PDCD2L: variants seen among roughly 807,000 people sequenced by gnomAD.
The protein encoded by PDCD2L is uS5 assembly chaperone PDCD2L.
In PDCD2L, 44 loss-of-function variants were observed where a neutral mutation model predicts 40.4. That is an observed-to-expected ratio of 1.09 (90% confidence interval 0.86 to 1.40). The LOEUF is 1.40. Among genes scored for constraint, PDCD2L ranks in the 40% most tolerant of loss-of-function variants. The pLI, the probability that PDCD2L is intolerant of heterozygous loss-of-function variation, is 0.00. For synonymous variants in PDCD2L, 194 were observed against 174.6 expected, an observed-to-expected ratio of 1.11 and a Z score of -0.88; for missense variants, 470 against 453.7, an observed-to-expected ratio of 1.04 and a Z score of -0.33.
intron 3 of PDCD2L, among the ~76,000 whole-genome samples, chr19:34,406,009 C>T (rs2145456057): frequency 6.6e-6 from 1 of 152,162 alleles, no homozygotes; most frequent in East Asian, 1.9e-4. Context: ...GGCATGATGG[C>T]CACGCAACTG....
Position 34,409,220 on chromosome 19 carries a change from T to G in PDCD2L, c.396T>G (p.Ser132Arg). ...DWCEGADDWG[S>R]DTEEGPSPQF... Reference sequence around the variant, plus strand: ...GTGAAGGTGCTGATGACTGGGGAAGTGATACTGAGGAGGGGCCTTCACCAC... The same window carrying G: ...GTGAAGGTGCTGATGACTGGGGAAGGGATACTGAGGAGGGGCCTTCACCAC... Residue 132 changes from serine (S) to arginine (R), a missense_variant, in exon 4 of 7, where the codon AGT becomes AGG. Coordinates refer to ENST00000246535, the MANE Select transcript of PDCD2L (RefSeq NM_032346.2). The G allele has an allele frequency of 6.2e-7, 1 of 1,614,162 alleles. No homozygotes were observed. Among genetic ancestry groups the G allele is most frequent in the Non-Finnish European group, 8.5e-7 (1 of 1,180,024 alleles).
intron 4 of PDCD2L, among the ~76,000 whole-genome samples, chr19:34,410,942 A>G (rs1046885637): frequency 1.3e-5 from 2 of 150,454 alleles, no homozygotes; most frequent in African/African-American, 4.9e-5. Flanking sequence ...GCGCCACCAC[A>G]CCCAGCTAAT....
intron 3 of PDCD2L, among the ~76,000 whole-genome samples, chr19:34,407,417 G>T (rs1424293677): frequency 1.3e-5 from 2 of 152,188 alleles, no homozygotes; most frequent in Admixed American, 6.5e-5. Context: ...GGGATTACAG[G>T]CGTGAGCCAC....
intron 3 of PDCD2L, among the ~76,000 whole-genome samples, chr19:34,406,595 G>A (rs891071423): frequency 4.0e-5 from 6 of 151,788 alleles, no homozygotes; most frequent in African/African-American, 9.7e-5. Context: ...GTTTCACCAT[G>A]TTAGCCAGGA....
At chr19:34,419,435 A>C (rs1259694156) in intron 5 of PDCD2L, among the ~76,000 whole-genome samples, 1 of 151,824 alleles carries the variant, frequency 6.6e-6, no homozygotes, top group Non-Finnish European at 1.5e-5. Flanking sequence ...GATTACAGGC[A>C]TGAGCCACCG....
chr19:34,408,507 C>T (rs1248853173), intron 3 of PDCD2L, among the ~76,000 whole-genome samples: 4 of 152,076 alleles, frequency 2.6e-5, no homozygotes, highest in African/African-American at 7.2e-5. Flanking sequence ...TAAGCTGAGA[C>T]AGACTTAACA....
In PDCD2L at chr19:34,426,143, A is replaced by T. The variant is rs1325714157; in HGVS notation, c.*23A>T. 6.8e-7 allele frequency: 1 copy of T among 1,469,686 alleles called. No homozygotes were observed. The allele number at this position is 1,469,686 out of a possible 1,614,324, so 91.0% of individuals were successfully genotyped here. ...TAGAGCATTTCCTTTTATTAATATA[A>T]ATTAAAACAAATGTTTACATCCAAA... On this transcript the variant is annotated 3_prime_UTR_variant, in exon 7 of 7. Transcript: ENST00000246535.
intron 3 of PDCD2L, among the ~76,000 whole-genome samples, chr19:34,406,387 T>C: frequency 6.6e-6 from 1 of 151,128 alleles, no homozygotes; most frequent in East Asian, 1.9e-4. Flanking sequence ...ACAATACTCT[T>C]ATTTTTTTTT....
chr19:34,426,098 C>G lies in PDCD2L; in HGVS notation c.1055C>G (p.Pro352Arg), dbSNP rs987682151. Reference sequence around the variant, plus strand: ...GAATTTTGTATTATACAAGAAGACCCAGATGAATTATTGTTTAAGTAGAGC... The same window carrying G: ...GAATTTTGTATTATACAAGAAGACCGAGATGAATTATTGTTTAAGTAGAGC... ...MEEFCIIQED[P>R]DELLFK The change falls in exon 7 of 7, where the codon CCA becomes CGA. Residue 352 changes from proline (P) to arginine (R), a missense_variant. Pro to Arg is a moderately radical substitution (Grantham distance 103). Coordinates refer to ENST00000246535, the MANE Select transcript of PDCD2L (RefSeq NM_032346.2). 5.1e-6 allele frequency: 8 copies of G among 1,582,216 alleles called. No homozygotes were observed. The highest frequency in any genetic ancestry group is 6.9e-6 in the Non-Finnish European group (8 of 1,151,798).
chr19:34,404,775 G>A lies in PDCD2L; in HGVS notation c.235G>A (p.Ala79Thr). The change falls in exon 2 of 7, where the codon GCG becomes ACG. Residue 79 changes from alanine to threonine, a missense_variant. By Grantham distance (58) the Ala-to-Thr change is moderately conservative. Coordinates refer to ENST00000246535, the MANE Select transcript of PDCD2L (RefSeq NM_032346.2). ...SPFHRLLHVFACACPGCSTGG... is the reference protein window; with the variant it reads ...SPFHRLLHVFTCACPGCSTGG... ...GTTTCACCGTCTGCTGCACGTGTTC[G>A]CGTGCGCCTGCCCCGGCTGTAGCAC... 1 of 1,606,674 alleles carries A rather than the reference G, an allele frequency of 6.2e-7. No homozygotes were observed. The highest frequency in any genetic ancestry group is 8.5e-7 in the Non-Finnish European group (1 of 1,177,854).
intron 5 of PDCD2L, among the ~76,000 whole-genome samples, chr19:34,420,007 CAG>C (rs775777391): frequency 6.6e-5 from 10 of 152,012 alleles, no homozygotes; most frequent in South Asian, 2.1e-4. Flanking sequence ...TTATTCGAGA[CAG>C]AGTCTTGCTC....
chr19:34,421,147 C>G (rs546615582), intron 5 of PDCD2L, among the ~76,000 whole-genome samples: 2 of 152,306 alleles, frequency 1.3e-5, no homozygotes, highest in South Asian at 2.1e-4. Flanking sequence ...AGGCTACCAA[C>G]CAGTACTGGT....
intron 5 of PDCD2L, among the ~76,000 whole-genome samples, chr19:34,417,503 G>C (rs2075131311): frequency 6.6e-6 from 1 of 152,014 alleles, no homozygotes; most frequent in Non-Finnish European, 1.5e-5. Flanking sequence ...AGCTATTCGG[G>C]AGGCTGAGGC....
intron 5 of PDCD2L, among the ~76,000 whole-genome samples, chr19:34,420,330 T>TA (rs1423013486): frequency 2.0e-5 from 3 of 151,758 alleles, no homozygotes; most frequent in Admixed American, 2.0e-4. Flanking sequence ...TTTTTTTTTT[T>TA]ACATATTCAT....
intron 5 of PDCD2L, among the ~76,000 whole-genome samples, 156 bp downstream of exon 5, chr19:34,414,003 CT>C (rs2145464767): frequency 6.6e-6 from 1 of 152,226 alleles, no homozygotes; most frequent in East Asian, 1.9e-4. Context: ...CTAATACCTA[CT>C]TTATAGGATG....
At chr19:34,414,285 C>T (rs2075117430) in intron 5 of PDCD2L, among the ~76,000 whole-genome samples, 1 of 151,544 alleles carries the variant, frequency 6.6e-6, no homozygotes, top group African/African-American at 2.4e-5. Context: ...AAGCCATTCT[C>T]CTGCCTCAGC....
intron 4 of PDCD2L, among the ~76,000 whole-genome samples, chr19:34,410,832 TG>T (rs1378059698): frequency 1.3e-5 from 2 of 151,294 alleles, no homozygotes; most frequent in Non-Finnish European, 1.5e-5. Context: ...CTTGCCAGGC[TG>T]GAGTGCAGTG....
chr19:34,425,997 T>A lies in PDCD2L; in HGVS notation c.954T>A (p.Ser318=). The change falls in exon 7 of 7, where the codon TCT becomes TCA. Residue 318 remains serine, a synonymous_variant. Transcript: ENST00000246535. ...ATATGTGGTATTTTTCAGGTCTTTCTGTGGAATTTGGAACAATTCTAGTTT... is the reference window on the plus strand; with the variant it reads ...ATATGTGGTATTTTTCAGGTCTTTCAGTGGAATTTGGAACAATTCTAGTTT... ...SMLKSANLGL[S]VEFGTILVYT... is the part of the protein sequence containing the mutation. 7.4e-6 allele frequency: 12 copies of A among 1,611,798 alleles called. No individual in the cohort carries two copies. Among genetic ancestry groups the A allele is most frequent in the Non-Finnish European group, 9.3e-6 (11 of 1,179,182 alleles).
chr19:34,407,848 G>A (rs1395735054), intron 3 of PDCD2L, among the ~76,000 whole-genome samples: 2 of 152,208 alleles, frequency 1.3e-5, no homozygotes, highest in Non-Finnish European at 2.9e-5. Flanking sequence ...AGGCAGGCAA[G>A]TTGGTAGCTG....
Sources: gnomAD v4.1 joint callset for allele counts (sites outside exome capture counted in the v4.1 genomes callset) on GRCh38, gnomAD v4.1.1 for gene constraint, MANE v1.5 for transcripts, NCBI Gene and HGNC (gene_info 2026-07-23, HGNC 2026-07-21) for gene names.